FRMD4A: variants seen among roughly 807,000 people sequenced by gnomAD.
The protein encoded by FRMD4A is FERM domain containing 4A, also known as FERM domain-containing protein 4A.
Under a neutral mutation model 129.1 loss-of-function variants are expected in FRMD4A, and 29 were observed. The ratio of observed to expected loss-of-function variants is 0.22; its 90% confidence interval spans 0.17 to 0.31. The LOEUF is 0.31. FRMD4A is among the 10% of genes least tolerant of loss of function. The pLI, the probability that FRMD4A is intolerant of heterozygous loss-of-function variation, is 1.00. For missense variants in FRMD4A, 1,272 were observed against 1,375.8 expected (o/e 0.92, Z 1.19); for synonymous variants, 634 against 571.6 (o/e 1.11, Z -1.56).
chr10:13,938,092 C>T (rs2095262616), intron 2 of FRMD4A, among the ~76,000 whole-genome samples: 1 of 152,154 alleles, frequency 6.6e-6, no homozygotes, highest in African/African-American at 2.4e-5. Flanking sequence ...GCCCCTAAAC[C>T]ACCACTACAG....
At chr10:13,832,381 A>G (rs2093803841) in intron 3 of FRMD4A, among the ~76,000 whole-genome samples, 1 of 152,206 alleles carries the variant, frequency 6.6e-6, no homozygotes. Context: ...GTTTCAGAAC[A>G]GGAAGCAGGA....
intron 3 of FRMD4A, among the ~76,000 whole-genome samples, chr10:13,813,536 C>T (rs1331454408): frequency 6.6e-6 from 1 of 152,202 alleles, no homozygotes; most frequent in Admixed American, 6.5e-5. Context: ...TATTGTAAAT[C>T]GAAAATACAT....
chr10:14,306,716 C>T (rs762639269), intron 2 of FRMD4A, among the ~76,000 whole-genome samples: 1 of 152,200 alleles, frequency 6.6e-6, no homozygotes, highest in Non-Finnish European at 1.5e-5. Context: ...GAGATAATGA[C>T]TCAGTGGACA....
At chr10:14,297,535 A>G (rs945154015) in intron 2 of FRMD4A, among the ~76,000 whole-genome samples, 2 of 152,112 alleles carry the variant, frequency 1.3e-5, no homozygotes, top group Non-Finnish European at 1.5e-5. Context: ...GTGAACAAAT[A>G]TTGTCTTCAA....
chr10:13,815,341 T>C (rs1374850750), intron 3 of FRMD4A, among the ~76,000 whole-genome samples: 3 of 152,148 alleles, frequency 2.0e-5, no homozygotes, highest in African/African-American at 7.2e-5. Flanking sequence ...TTAGATGAGG[T>C]AATTAAACAG....
chr10:14,164,600 G>C (rs574809168), intron 2 of FRMD4A, among the ~76,000 whole-genome samples: 21 of 152,160 alleles, frequency 1.4e-4, no homozygotes, highest in Admixed American at 1.4e-3. Context: ...TCATTTCTAC[G>C]TTGGGAACAG....
chr10:13,688,310 C>A (rs1388076185), intron 15 of FRMD4A, among the ~76,000 whole-genome samples: 1 of 151,990 alleles, frequency 6.6e-6, no homozygotes, highest in South Asian at 2.1e-4. Flanking sequence ...AACCAAACAC[C>A]GCATGTTCTC....
chr10:14,067,681 G>C (rs1740562470), intron 2 of FRMD4A, among the ~76,000 whole-genome samples: 1 of 152,158 alleles, frequency 6.6e-6, no homozygotes, highest in South Asian at 2.1e-4. Context: ...GCTGGGCGTG[G>C]TGGTGCATGC....
chr10:14,243,722 C>T (rs373615166), intron 2 of FRMD4A, among the ~76,000 whole-genome samples: 36 of 151,620 alleles, frequency 2.4e-4, no homozygotes, highest in African/African-American at 8.2e-4. Flanking sequence ...AAAAGAAAAA[C>T]TTCTGGAGAT....
intron 13 of FRMD4A, among the ~76,000 whole-genome samples, chr10:13,706,749 G>GACACACACACACACACACACACAC (rs3031967): frequency 4.1e-5 from 6 of 146,526 alleles, no homozygotes; most frequent in East Asian, 4.1e-4. Flanking sequence ...CACATACACT[G>GACACACACACACACACACACACAC]ACACACACAC....
intron 3 of FRMD4A, among the ~76,000 whole-genome samples, chr10:13,836,529 A>G (rs2093876363): frequency 6.6e-6 from 1 of 152,132 alleles, no homozygotes; most frequent in Non-Finnish European, 1.5e-5. Context: ...GTTTGGAGCC[A>G]CCCGTTACCC....
At chr10:13,713,651 GAGCACCCAGAA>G (rs2134933559) in intron 12 of FRMD4A, among the ~76,000 whole-genome samples, 1 of 151,582 alleles carries the variant, frequency 6.6e-6, no homozygotes, top group East Asian at 1.9e-4. Context: ...TAAAATGTGA[GAGCACCCAGAA>G]AGCTCCAAAC....
intron 6 of FRMD4A, among the ~76,000 whole-genome samples, chr10:13,778,146 G>A (rs989658167): frequency 6.6e-6 from 1 of 151,970 alleles, no homozygotes; most frequent in African/African-American, 2.4e-5. Context: ...GCCTTGCCAT[G>A]CATTTACTTC....
intron 2 of FRMD4A, among the ~76,000 whole-genome samples, chr10:13,917,773 C>T (rs1182483743): frequency 6.6e-6 from 1 of 152,166 alleles, no homozygotes; most frequent in Non-Finnish European, 1.5e-5. Flanking sequence ...CCTCTCTTTG[C>T]AACACCCGGC....
intron 2 of FRMD4A, among the ~76,000 whole-genome samples, chr10:14,102,452 G>A (rs534534801): frequency 3.9e-5 from 6 of 152,274 alleles, no homozygotes; most frequent in African/African-American, 1.2e-4. Flanking sequence ...ACTTGAACCC[G>A]GGAGGCGGAC....
intron 2 of FRMD4A, among the ~76,000 whole-genome samples, chr10:14,102,862 T>A (rs1398801786): frequency 6.6e-6 from 1 of 152,086 alleles, no homozygotes; most frequent in Non-Finnish European, 1.5e-5. Flanking sequence ...ATCTGACAGC[T>A]CAATTTTCCA....
At chr10:14,325,009 TTTG>T (rs1843214182) in intron 2 of FRMD4A, among the ~76,000 whole-genome samples, 1 of 152,224 alleles carries the variant, frequency 6.6e-6, no homozygotes, top group Non-Finnish European at 1.5e-5. Flanking sequence ...GGGCAAGCCC[TTTG>T]ACTTCTCTGG....
At chr10:14,156,912 C>T (rs2131862983) in intron 2 of FRMD4A, among the ~76,000 whole-genome samples, 1 of 152,276 alleles carries the variant, frequency 6.6e-6, no homozygotes, top group East Asian at 1.9e-4. Flanking sequence ...GTCAGTAAAG[C>T]AAAATAGACT....
intron 2 of FRMD4A, among the ~76,000 whole-genome samples, chr10:13,947,724 T>C (rs1331255873): frequency 2.0e-5 from 3 of 152,176 alleles, no homozygotes; most frequent in Admixed American, 2.0e-4. Flanking sequence ...CTCCTGCATG[T>C]CTTGGTAAAG....
Sources: gnomAD v4.1 joint callset for allele counts (sites outside exome capture counted in the v4.1 genomes callset) on GRCh38, gnomAD v4.1.1 for gene constraint, MANE v1.5 for transcripts, NCBI Gene and HGNC (gene_info 2026-07-23, HGNC 2026-07-21) for gene names.